MYDGF: variants seen among roughly 807,000 people sequenced by gnomAD.
MYDGF encodes the protein myeloid derived growth factor.
A neutral mutation model predicts 24.2 loss-of-function variants in MYDGF; 29 were observed. The observed-to-expected ratio is 1.20, with a 90% CI of 0.89 to 1.63. MYDGF has a LOEUF of 1.63. Ranked by LOEUF, MYDGF falls within the 40% of genes most tolerant of loss-of-function variation. The probability of loss-of-function intolerance (pLI) is 0.00; values close to 1 mark genes in which losing one functional copy is unlikely to be tolerated. For synonymous variants in MYDGF, 105 were observed against 102.5 expected, an observed-to-expected ratio of 1.02 and a Z score of -0.15; for missense variants, 245 against 234.8, an observed-to-expected ratio of 1.04 and a Z score of -0.29.
intron 2 of MYDGF, 151 bp from the exon 3 acceptor site, chr19:4,665,088 G>A (rs1211274869): frequency 8.7e-6 from 7 of 808,088 alleles, no homozygotes; most frequent in Non-Finnish European, 1.3e-5. Flanking sequence ...CCCTCCTGGT[G>A]GCCTGGGGTT....
At chr19:4,658,172 T>C in intron 5 of MYDGF, 88 bp from the exon 6 acceptor site, 1 of 1,179,566 alleles carries the variant, frequency 8.5e-7, no homozygotes, top group Non-Finnish European at 1.2e-6. Context: ...TGGTGGGGGC[T>C]AAGCAGGCAA....
At chr19:4,666,148 T>C (rs1450955044) in intron 2 of MYDGF, among the ~76,000 whole-genome samples, 1 of 151,906 alleles carries the variant, frequency 6.6e-6, no homozygotes, top group Non-Finnish European at 1.5e-5. Context: ...CGAGACCCCA[T>C]CTCTAAAATG....
intron 5 of MYDGF, 95 bp from the exon 6 acceptor site, chr19:4,658,179 G>A: frequency 2.0e-6 from 2 of 1,023,430 alleles, no homozygotes; most frequent in Non-Finnish European, 2.9e-6. Flanking sequence ...GGCTAAGCAG[G>A]CAAGGGGAGC....
intron 5 of MYDGF, chr19:4,659,654 G>A (rs566076667): frequency 7.3e-5 from 37 of 506,512 alleles, no homozygotes; most frequent in South Asian, 3.2e-4. Flanking sequence ...GAGCCACCGC[G>A]CCCAGCTAAG....
chr19:4,667,007 T>G (rs1315135322), intron 2 of MYDGF, among the ~76,000 whole-genome samples: 1 of 152,134 alleles, frequency 6.6e-6, no homozygotes, highest in African/African-American at 2.4e-5. Context: ...AAGTCTTCAT[T>G]TCCTTGCTGC....
intron 3 of MYDGF, among the ~76,000 whole-genome samples, chr19:4,663,083 C>CA (rs1364544732): frequency 6.7e-6 from 1 of 149,250 alleles, no homozygotes; most frequent in African/African-American, 2.5e-5. Context: ...ACTCCATCCT[C>CA]ATTCTACAGC....
chr19:4,668,752 G>A (rs755381211), intron 1 of MYDGF, 107 bp from the exon 2 acceptor site: 20 of 875,316 alleles, frequency 2.3e-5, no homozygotes, highest in Non-Finnish European at 3.3e-5. Context: ...CACAATGACA[G>A]CTCACTGCAG....
At chr19:4,665,019 T>C in intron 2 of MYDGF, 82 bp from the exon 3 acceptor site, 1 of 1,441,592 alleles carries the variant, frequency 6.9e-7, no homozygotes, top group Non-Finnish European at 9.5e-7. Flanking sequence ...GATTCTACAG[T>C]CAGGCCACCT....
intron 3 of MYDGF, among the ~76,000 whole-genome samples, chr19:4,664,043 C>T (rs1006491645): frequency 1.3e-5 from 2 of 151,732 alleles, no homozygotes; most frequent in Non-Finnish European, 2.9e-5. Context: ...GCCTTGAGGA[C>T]GTCACGTTCA....
At chr19:4,668,356 G>A (rs748628296) in intron 2 of MYDGF, among the ~76,000 whole-genome samples, 3 of 152,226 alleles carry the variant, frequency 2.0e-5, no homozygotes, top group Non-Finnish European at 2.9e-5. Flanking sequence ...GGGGATGGCA[G>A]ACTCCCATCT....
Position 4,668,849 on chromosome 19 carries a change from A to ATT in MYDGF, c.175-206_175-205dup, listed in dbSNP as rs59730499. Among the ~76,000 whole-genome samples the ATT allele has an allele frequency of 8.1e-3, 1,133 of 140,384 alleles. 18 individuals are homozygous for ATT. Among genetic ancestry groups the ATT allele is most frequent in the African/African-American group, 0.027 (1,024 of 37,620 alleles). 92.1% of individuals were successfully genotyped at this position (140,384 alleles called of 152,430 possible). On this transcript the variant is annotated intron_variant, in intron 1 of 5. Coordinates refer to ENST00000262947, the MANE Select transcript of MYDGF (RefSeq NM_019107.4). ...GGTACGCAACCACCACACCCGACTA[A>ATT]TTTTTTTTTTTTTTTTTGAAGCAGA...
chr19:4,658,558 C>T (rs954540597), intron 5 of MYDGF, among the ~76,000 whole-genome samples: 1 of 152,286 alleles, frequency 6.6e-6, no homozygotes. Flanking sequence ...CCCGGCCCTA[C>T]CTGCTGTGTC....
intron 1 of MYDGF, 194 bp from the exon 2 acceptor site, chr19:4,668,839 C>A: frequency 2.0e-6 from 1 of 496,320 alleles, no homozygotes; most frequent in South Asian, 2.1e-5. Flanking sequence ...GCAACCACCA[C>A]ACCCGACTAA....
intron 3 of MYDGF, among the ~76,000 whole-genome samples, chr19:4,662,168 C>G (rs540661535): frequency 6.6e-6 from 1 of 152,176 alleles, no homozygotes; most frequent in African/African-American, 2.4e-5. Context: ...CCGCAGGGCA[C>G]GGCGGGACAA....
intron 4 of MYDGF, 23 bp from the exon 5 acceptor site, chr19:4,660,026 T>C: frequency 6.2e-7 from 1 of 1,601,020 alleles, no homozygotes; most frequent in Non-Finnish European, 8.6e-7. Context: ...GAGTGGAAAC[T>C]TTACCAGGGC....
intron 2 of MYDGF, among the ~76,000 whole-genome samples, 180 bp downstream of exon 2, chr19:4,668,415 C>G (rs749276664): frequency 2.6e-4 from 39 of 152,202 alleles, no homozygotes; most frequent in Non-Finnish European, 5.9e-5. Flanking sequence ...AGAATAATAA[C>G]AGCAGAATCT....
At chr19:4,669,864 G>A (rs887210643) in intron 1 of MYDGF, among the ~76,000 whole-genome samples, 1 of 152,084 alleles carries the variant, frequency 6.6e-6, no homozygotes, top group Admixed American at 6.6e-5. Flanking sequence ...TCTGCGTCTG[G>A]AGGGCAGGGG....
rs765498998 is a variant in MYDGF at position 4,659,926 on chromosome 19, C to T, written c.442+5G>A. On this transcript the variant is annotated splice_donor_5th_base_variant and intron_variant, in intron 5 of 5. Coordinates refer to ENST00000262947, the MANE Select transcript of MYDGF (RefSeq NM_019107.4). ...CACCTCTACCCCATCCCCATCTTTC[C>T]GTACCTGCTGTTTTGGTCACTTCAA... is the stretch of plus-strand genomic sequence containing the variant. The T allele has an allele frequency of 2.5e-5, 40 of 1,613,684 alleles. 1 individual carries two copies. Among genetic ancestry groups the T allele is most frequent in the South Asian group, 8.8e-5 (8 of 91,078 alleles).
intron 3 of MYDGF, among the ~76,000 whole-genome samples, chr19:4,663,226 C>T (rs113035648): frequency 0.017 from 1,614 of 97,396 alleles, 43 homozygotes; most frequent in African/African-American, 0.075. Flanking sequence ...TTCTACACAG[C>T]CTCCAATCTA....
Sources: gnomAD v4.1 joint callset for allele counts (sites outside exome capture counted in the v4.1 genomes callset) on GRCh38, gnomAD v4.1.1 for gene constraint, MANE v1.5 for transcripts, NCBI Gene and HGNC (gene_info 2026-07-23, HGNC 2026-07-21) for gene names.